Variants in ACTN1 observed in about 807,000 individuals in gnomAD.
ACTN1 encodes the protein alpha-actinin-1.
In ACTN1, 30 loss-of-function variants were observed where a neutral mutation model predicts 119.6. That is an observed-to-expected ratio of 0.25 (90% CI 0.19 to 0.34). The LOEUF (loss-of-function observed/expected upper bound fraction) is 0.34, where lower values mean the gene tolerates loss of function less well. Among genes scored for constraint, ACTN1 ranks in the 10% least tolerant of loss-of-function variants. ACTN1 has a pLI of 1.00. For synonymous variants in ACTN1, 429 were observed against 472.6 expected, an observed-to-expected ratio of 0.91 and a Z score of 1.20; for missense variants, 764 against 1,223.4, an observed-to-expected ratio of 0.62 and a Z score of 5.60.
In ACTN1 at chr14:68,925,824, T is replaced by A; in HGVS notation, c.106-152A>T. On this transcript the variant is annotated intron_variant, in intron 1 of 21. Transcript: ENST00000394419. This position sits in a 1 kb window ranked among gnomAD's most constrained non-coding sequence, Gnocchi z 4.3. ...CCCCACCATGGTCTCATTCACTGCA[T>A]CAACCAAGCACTGAGCTACCCACAG... The A allele has an allele frequency of 1.7e-6, 1 of 586,538 alleles. No homozygotes were observed. Among genetic ancestry groups the A allele is most frequent in the Non-Finnish European group, 3.0e-6 (1 of 333,602 alleles). The allele number at this position is 586,538 out of a possible 1,614,324, so 36.3% of individuals were successfully genotyped here. A position where few individuals can be genotyped will look rare whatever the true frequency, so the allele number is the denominator to read the frequency against.
chr14:68,906,757 G>A (rs1397918350), intron 6 of ACTN1, among the ~76,000 whole-genome samples: 5 of 152,148 alleles, frequency 3.3e-5, no homozygotes, highest in Non-Finnish European at 5.9e-5. Flanking sequence ...TCTCTGGAAG[G>A]GTGTTCCTGG....
At chr14:68,933,483 G>A (rs2035331286) in intron 1 of ACTN1, among the ~76,000 whole-genome samples, 1 of 151,962 alleles carries the variant, frequency 6.6e-6, no homozygotes, top group Non-Finnish European at 1.5e-5. Context: ...GGCCCTCTTG[G>A]GCTATCCTTT....
intron 1 of ACTN1, among the ~76,000 whole-genome samples, chr14:68,946,324 G>T (rs1364473096): frequency 1.3e-5 from 2 of 152,124 alleles, no homozygotes; most frequent in Non-Finnish European, 2.9e-5. Context: ...TTCTCTAATG[G>T]ACCAGGCCAA....
chr14:68,942,436 G>A (rs2035793519), intron 1 of ACTN1, among the ~76,000 whole-genome samples: 1 of 152,036 alleles, frequency 6.6e-6, no homozygotes, highest in Non-Finnish European at 1.5e-5. Context: ...TCTATAAACT[G>A]CCACTCCTTA....
At chr14:68,911,251 C>T (rs1227002246) in intron 4 of ACTN1, among the ~76,000 whole-genome samples, 1 of 152,218 alleles carries the variant, frequency 6.6e-6, no homozygotes, top group African/African-American at 2.4e-5. Context: ...AAGAGTAACA[C>T]AATGATGACT....
At chr14:68,948,459 T>C (rs745911994) in intron 1 of ACTN1, among the ~76,000 whole-genome samples, 28 of 152,014 alleles carry the variant, frequency 1.8e-4, no homozygotes, top group Non-Finnish European at 2.5e-4. Context: ...GCGCCTGTAA[T>C]CCCAGCTACT....
rs1287276055 is a variant in ACTN1, at chr14:68,882,345, G to A, written c.1953+113C>T. The A allele has an allele frequency of 4.8e-5, 69 of 1,445,262 alleles. No homozygotes were observed. Among genetic ancestry groups the A allele is most frequent in the East Asian group, 9.2e-5 (4 of 43,526 alleles). 89.5% of individuals were successfully genotyped at this position (1,445,262 alleles called of 1,614,324 possible). ...GAACAGCAGACCCACGGTGGGCTCC[G>A]GGCCTCAGTCCTCCATGGGTCCCAC... is the stretch of plus-strand genomic sequence containing the variant. On this transcript the variant is annotated intron_variant, in intron 16 of 21. Coordinates refer to ENST00000394419, the MANE Select transcript of ACTN1 (RefSeq NM_001130004.2). The surrounding 1 kb of genome is among the most constrained non-coding windows in gnomAD (Gnocchi z 4.5).
intron 1 of ACTN1, chr14:68,977,830 AT>A: frequency 2.6e-6 from 1 of 380,586 alleles, no homozygotes; most frequent in South Asian, 1.9e-5. Flanking sequence ...CCATTCCCAG[AT>A]CAGCCTGGGG....
intron 9 of ACTN1, 145 bp downstream of exon 9, chr14:68,893,510 A>G: frequency 1.4e-6 from 1 of 722,622 alleles, no homozygotes; most frequent in Non-Finnish European, 2.2e-6. Flanking sequence ...GAGCCACAAC[A>G]GAGCTCAGGC....
intron 1 of ACTN1, among the ~76,000 whole-genome samples, chr14:68,964,128 C>T (rs150601445): frequency 6.2e-4 from 95 of 152,298 alleles, no homozygotes; most frequent in African/African-American, 2.0e-3. Flanking sequence ...ATAAGGGGCT[C>T]CAGCACTGCC....
intron 1 of ACTN1, among the ~76,000 whole-genome samples, chr14:68,971,128 C>T (rs747255850): frequency 1.5e-4 from 23 of 152,134 alleles, no homozygotes; most frequent in African/African-American, 1.9e-4. Context: ...GGTTAAAAGC[C>T]GAGTTCTGAG....
intron 1 of ACTN1, among the ~76,000 whole-genome samples, chr14:68,975,510 G>A (rs1460669040): frequency 6.6e-6 from 1 of 152,134 alleles, no homozygotes. Context: ...AATAGAGCCA[G>A]GATCCTACAC....
At chr14:68,896,307 G>A (rs998870163) in intron 8 of ACTN1, among the ~76,000 whole-genome samples, 3 of 152,236 alleles carry the variant, frequency 2.0e-5, no homozygotes, top group African/African-American at 7.2e-5. Flanking sequence ...AGCCCACTGG[G>A]TGGTGAGTTG....
At chr14:68,922,858 G>A (rs140354584) in intron 2 of ACTN1, among the ~76,000 whole-genome samples, 1 of 152,172 alleles carries the variant, frequency 6.6e-6, no homozygotes, top group Non-Finnish European at 1.5e-5. Flanking sequence ...TTCTGGTGTG[G>A]GTAGTCCAAG....
At chr14:68,904,110 A>AC (rs2140250828) in intron 7 of ACTN1, among the ~76,000 whole-genome samples, 1 of 152,214 alleles carries the variant, frequency 6.6e-6, no homozygotes, top group South Asian at 2.1e-4. Context: ...AGAACTGGAC[A>AC]CTTCCACCAC....
chr14:68,965,118 C>T (rs141671887), intron 1 of ACTN1, among the ~76,000 whole-genome samples: 257 of 152,326 alleles, frequency 1.7e-3, no homozygotes, highest in Non-Finnish European at 3.1e-3. Flanking sequence ...TACGTGTACC[C>T]AGAATAAAGA....
chr14:68,879,884 G>A lies in ACTN1; in HGVS notation c.2280+78C>T, dbSNP rs1472061743. 29 of 1,554,086 alleles carry A rather than the reference G, an allele frequency of 1.9e-5. No individual in the cohort carries two copies. The highest frequency in any genetic ancestry group is 1.2e-5 in the South Asian group (1 of 84,332). On this transcript the variant is annotated intron_variant, in intron 18 of 21. Transcript: ENST00000394419. The surrounding 1 kb of genome is among the most constrained non-coding windows in gnomAD (Gnocchi z 4.9). The stretch of plus-strand genomic sequence containing the variant: ...CCTCCTCACTTGCATGGCAGCCCAC[G>A]TCCCGGGGAAGTGCCCTCCAGGGCC...
At chr14:68,933,021 T>C (rs1472868428) in intron 1 of ACTN1, among the ~76,000 whole-genome samples, 2 of 152,178 alleles carry the variant, frequency 1.3e-5, no homozygotes, top group Admixed American at 6.5e-5. Context: ...CATTGAATCA[T>C]CACAATGACA....
chr14:68,964,753 G>A (rs1182583639), intron 1 of ACTN1, among the ~76,000 whole-genome samples: 2 of 152,152 alleles, frequency 1.3e-5, no homozygotes, highest in Non-Finnish European at 2.9e-5. Flanking sequence ...GCACGTAATG[G>A]ACTTAGCACA....
Sources: allele counts gnomAD v4.1 joint callset (sites outside exome capture counted in the v4.1 genomes callset), GRCh38; gene constraint gnomAD v4.1.1; non-coding constraint Gnocchi (gnomAD v3.1); transcripts MANE v1.5; gene names NCBI Gene and HGNC (gene_info 2026-07-23, HGNC 2026-07-21).